GATAD2A: variants seen among roughly 807,000 people sequenced by gnomAD.
GATAD2A encodes GATA zinc finger domain containing 2A.
A neutral mutation model predicts 68.5 loss-of-function variants in GATAD2A; 12 were observed. That is an observed-to-expected ratio of 0.18 (90% CI 0.11 to 0.28). GATAD2A has a LOEUF of 0.28. Ranked by LOEUF, GATAD2A falls within the 10% of genes least tolerant of loss-of-function variation. GATAD2A has a pLI of 1.00. For missense variants in GATAD2A, 755 were observed against 868.5 expected (o/e 0.87, Z 1.64); for synonymous variants, 410 against 375.3 (o/e 1.09, Z -1.07).
chr19:19,470,152 TTTG>T (rs2058185296), intron 2 of GATAD2A, among the ~76,000 whole-genome samples: 2 of 137,052 alleles, frequency 1.5e-5, no homozygotes, highest in Non-Finnish European at 3.2e-5. Context: ...TATTTTTTTT[TTTG>T]TTTTTTTTTT....
intron 1 of GATAD2A, among the ~76,000 whole-genome samples, chr19:19,439,467 A>G (rs958674851): frequency 4.6e-5 from 7 of 152,076 alleles, no homozygotes; most frequent in Non-Finnish European, 8.8e-5. Flanking sequence ...TGGAGTAGAC[A>G]CTGTTCTAGT....
chr19:19,433,562 A>G (rs1361828116), intron 1 of GATAD2A, among the ~76,000 whole-genome samples: 2 of 152,186 alleles, frequency 1.3e-5, no homozygotes, highest in Non-Finnish European at 1.5e-5. Context: ...AACAAGACAC[A>G]TGTCTTCATA....
chr19:19,452,870 A>G (rs2147844982), intron 1 of GATAD2A, among the ~76,000 whole-genome samples: 1 of 152,274 alleles, frequency 6.6e-6, no homozygotes, highest in Middle Eastern at 3.4e-3. Flanking sequence ...GAGAGGTCAC[A>G]CTAGCTGGGT....
intron 2 of GATAD2A, among the ~76,000 whole-genome samples, chr19:19,480,530 C>T (rs1477023631): frequency 3.3e-5 from 5 of 152,262 alleles, no homozygotes; most frequent in Non-Finnish European, 4.4e-5. Context: ...TTCATGGCGC[C>T]ATTCCACTGC....
chr19:19,490,611 T>G (rs959072076), intron 2 of GATAD2A, among the ~76,000 whole-genome samples: 3 of 151,954 alleles, frequency 2.0e-5, no homozygotes, highest in African/African-American at 4.8e-5. Flanking sequence ...ACAAAAAAAA[T>G]GGACTTGATT....
intron 2 of GATAD2A, among the ~76,000 whole-genome samples, chr19:19,471,490 G>A (rs1278113890): frequency 1.3e-5 from 2 of 151,296 alleles, no homozygotes; most frequent in Non-Finnish European, 2.9e-5. Context: ...GAGATGGAAA[G>A]TGACCAGTGG....
intron 1 of GATAD2A, among the ~76,000 whole-genome samples, chr19:19,386,989 C>G (rs972166656): frequency 2.0e-5 from 3 of 152,100 alleles, no homozygotes; most frequent in East Asian, 1.9e-4. Flanking sequence ...AGGGGAGTCC[C>G]TTTCTCTGAG....
chr19:19,412,808 G>A (rs1038419884), intron 1 of GATAD2A, among the ~76,000 whole-genome samples: 1 of 152,106 alleles, frequency 6.6e-6, no homozygotes, highest in Non-Finnish European at 1.5e-5. Flanking sequence ...CCTTAGAGAC[G>A]GCTGCTTGCC....
intron 2 of GATAD2A, among the ~76,000 whole-genome samples, chr19:19,480,734 C>T (rs2059000084): frequency 2.6e-5 from 4 of 152,364 alleles, no homozygotes; most frequent in Admixed American, 2.6e-4. Flanking sequence ...TGCAGAGGTG[C>T]ACCCAGCCCC....
At chr19:19,412,606 T>C (rs188377224) in intron 1 of GATAD2A, among the ~76,000 whole-genome samples, 1 of 151,984 alleles carries the variant, frequency 6.6e-6, no homozygotes. Context: ...CACTCCAGCC[T>C]GGGCGACAGA....
At chr19:19,395,303 A>G (rs2049145390) in intron 1 of GATAD2A, among the ~76,000 whole-genome samples, 1 of 151,990 alleles carries the variant, frequency 6.6e-6, no homozygotes, top group Admixed American at 6.6e-5. Flanking sequence ...AAAAATGTAA[A>G]AACTAGCTAG....
intron 11 of GATAD2A, among the ~76,000 whole-genome samples, chr19:19,502,949 G>A (rs1010986878): frequency 9.9e-5 from 15 of 152,204 alleles, no homozygotes; most frequent in Admixed American, 6.5e-4. Flanking sequence ...GTGCAAAGTA[G>A]AACAGTAATG....
intron 1 of GATAD2A, among the ~76,000 whole-genome samples, chr19:19,437,032 A>G (rs149018305): frequency 1.3e-5 from 2 of 152,356 alleles, no homozygotes; most frequent in East Asian, 1.9e-4. Flanking sequence ...AGCTCTTCAT[A>G]TGGCAAGAAA....
chr19:19,406,771 G>A (rs1200988971), intron 1 of GATAD2A, among the ~76,000 whole-genome samples: 1 of 152,176 alleles, frequency 6.6e-6, no homozygotes, highest in Non-Finnish European at 1.5e-5. Flanking sequence ...ACAAGGAAAG[G>A]CTTATGGGCA....
intron 2 of GATAD2A, among the ~76,000 whole-genome samples, chr19:19,479,831 C>CT (rs35537344): frequency 0.13 from 10,779 of 85,602 alleles, 903 homozygotes; most frequent in Middle Eastern, 0.18. Flanking sequence ...GTGGCCCACT[C>CT]TTTTTTTTTT....
chr19:19,450,078 A>C (rs1412709157), intron 1 of GATAD2A, among the ~76,000 whole-genome samples: 1 of 152,198 alleles, frequency 6.6e-6, no homozygotes, highest in African/African-American at 2.4e-5. Flanking sequence ...GGCATGAGCC[A>C]CTGCACCTGG....
At chr19:19,425,690 G>C (rs888365454) in intron 1 of GATAD2A, among the ~76,000 whole-genome samples, 4 of 152,306 alleles carry the variant, frequency 2.6e-5, no homozygotes, top group Admixed American at 2.6e-4. Flanking sequence ...CGGCCTGGCA[G>C]ACAGCTCCCC....
chr19:19,492,166 G>T, intron 2 of GATAD2A, 140 bp from the exon 3 acceptor site: 1 of 874,180 alleles, frequency 1.1e-6, no homozygotes, highest in Non-Finnish European at 1.8e-6. Flanking sequence ...GGAGCCATGG[G>T]GCAGGGCAGG....
At chr19:19,457,174 C>T (rs956169741) in intron 1 of GATAD2A, 5 of 985,160 alleles carry the variant, frequency 5.1e-6, no homozygotes, top group Non-Finnish European at 3.6e-6. Context: ...AGAAGTGGGG[C>T]CACTTCAGGG....
Sources: allele counts gnomAD v4.1 joint callset (sites outside exome capture counted in the v4.1 genomes callset), GRCh38; gene constraint gnomAD v4.1.1; transcripts MANE v1.5; gene names NCBI Gene and HGNC (gene_info 2026-07-23, HGNC 2026-07-21).